Variants in ZNF33B observed in about 807,000 individuals in gnomAD.
ZNF33B encodes the protein zinc finger protein 11b (KOX 2).
A neutral mutation model predicts 45.8 loss-of-function variants in ZNF33B; 29 were observed. The observed-to-expected ratio is 0.63, with a 90% CI of 0.47 to 0.86. ZNF33B has a LOEUF of 0.86. ZNF33B is among the 40% of genes least tolerant of loss of function. ZNF33B has a pLI of 0.00. For synonymous variants in ZNF33B, 305 were observed against 307.8 expected, an observed-to-expected ratio of 0.99 and a Z score of 0.10; for missense variants, 831 against 909.9, an observed-to-expected ratio of 0.91 and a Z score of 1.12.
chr10:42,584,260 G>C (rs1002072461), downstream of ZNF33B, among the ~76,000 whole-genome samples: 1 of 152,212 alleles, frequency 6.6e-6, no homozygotes, highest in African/African-American at 2.4e-5. Context: ...TTGCCAGAAT[G>C]ACAAGGACAG....
At chr10:42,575,478 C>T (rs1836735358) in intron 1 of ZNF33B, among the ~76,000 whole-genome samples, 1 of 151,828 alleles carries the variant, frequency 6.6e-6, no homozygotes, top group African/African-American at 2.4e-5. Context: ...TTTTTAACCC[C>T]CCAGTTTATG....
intron 4 of ZNF33B, among the ~76,000 whole-genome samples, chr10:42,612,839 A>ATTT (rs1374547187): frequency 3.4e-5 from 5 of 147,070 alleles, no homozygotes; most frequent in African/African-American, 5.5e-5. Context: ...CTGATAATTT[A>ATTT]TTTTCTTTCT....
chr10:42,600,032 C>A (rs1242786271), intron 4 of ZNF33B, among the ~76,000 whole-genome samples: 7 of 151,666 alleles, frequency 4.6e-5, no homozygotes, highest in Non-Finnish European at 1.0e-4. Context: ...AAATTTAAAC[C>A]CCTTATGGTG....
intron 4 of ZNF33B, among the ~76,000 whole-genome samples, chr10:42,607,012 T>C (rs1055292728): frequency 9.2e-5 from 14 of 152,150 alleles, no homozygotes; most frequent in Middle Eastern, 3.2e-3. Context: ...GTTGAGCATG[T>C]TGGCACTCAG....
In ZNF33B at chr10:42,592,244, G is replaced by A. The variant is rs1675285646; in HGVS notation, c.*369C>T. 2.5e-6 allele frequency: 1 copy of A among 400,044 alleles called. No individual in the cohort carries two copies. The highest frequency in any genetic ancestry group is 3.6e-6 in the Non-Finnish European group (1 of 278,962). 24.8% of individuals were successfully genotyped at this position (400,044 alleles called of 1,614,324 possible). A position where few individuals can be genotyped will look rare whatever the true frequency, so the allele number is the denominator to read the frequency against. ...TGGCATCAAACTCAAAACAGAACTT[G>A]TCATATTTTATTTCTAAGCAAAATT... is the stretch of plus-strand genomic sequence containing the variant. On this transcript the variant is annotated 3_prime_UTR_variant, in exon 5 of 5. Transcript: ENST00000359467.
intron 1 of ZNF33B, among the ~76,000 whole-genome samples, chr10:42,577,667 G>C (rs2089727760): frequency 6.6e-6 from 1 of 152,182 alleles, no homozygotes; most frequent in African/African-American, 2.4e-5. Context: ...GCACTCACCA[G>C]ACTGCTTACT....
intron 4 of ZNF33B, among the ~76,000 whole-genome samples, chr10:42,621,411 T>C (rs158376): frequency 0.3 from 45,899 of 151,164 alleles, 8,071 homozygotes; most frequent in East Asian, 0.45. Context: ...CACAAACACA[T>C]ACACACACAC....
At chr10:42,585,269 G>A (rs970583178), downstream of ZNF33B, among the ~76,000 whole-genome samples, 4 of 152,198 alleles carry the variant, frequency 2.6e-5, no homozygotes, top group Non-Finnish European at 5.9e-5. Flanking sequence ...GAATCCTAAG[G>A]AGCCAAAGTG....
At chr10:42,624,443 T>C (rs1838714698) in intron 4 of ZNF33B, among the ~76,000 whole-genome samples, 1 of 152,228 alleles carries the variant, frequency 6.6e-6, no homozygotes, top group African/African-American at 2.4e-5. Flanking sequence ...TAGTCACTCC[T>C]TATCCAAGGG....
chr10:42,576,623 T>C (rs1003215136), intron 1 of ZNF33B, among the ~76,000 whole-genome samples: 2 of 152,174 alleles, frequency 1.3e-5, no homozygotes, highest in Non-Finnish European at 1.5e-5. Context: ...GCACCCATCA[T>C]CTGAGATCCT....
At chr10:42,635,847 T>C (rs1433992239) in intron 2 of ZNF33B, among the ~76,000 whole-genome samples, 2 of 147,398 alleles carry the variant, frequency 1.4e-5, no homozygotes, top group African/African-American at 5.0e-5. Flanking sequence ...CTTTAATTTA[T>C]TGGCCGGGCA....
In ZNF33B at chr10:42,593,853, A is replaced by C. The variant is rs377537182; in HGVS notation, c.1097T>G (p.Phe366Cys). 6.2e-7 allele frequency: 1 copy of C among 1,614,082 alleles called. No homozygotes were observed. The highest frequency in any genetic ancestry group is 8.5e-7 in the Non-Finnish European group (1 of 1,179,984). Residue 366 changes from phenylalanine (F) to cysteine (C), a missense_variant, in exon 5 of 5, where the codon TTC becomes TGC. By Grantham distance (205) the Phe-to-Cys change is radical (BLOSUM62 -2). Coordinates refer to ENST00000359467, the MANE Select transcript of ZNF33B (RefSeq NM_006955.3). Reference sequence around the variant, plus strand: ...TTTAGTGAGGTTTGACTTCTCCCAGAAAGTTTTTCCACATTGATTACATTG... The same window carrying C: ...TTTAGTGAGGTTTGACTTCTCCCAGCAAGTTTTTCCACATTGATTACATTG... ...HFQCNQCGKT[F>C]WEKSNLTKHQ...
chr10:42,629,558 C>T (rs550430153), intron 4 of ZNF33B, among the ~76,000 whole-genome samples: 1 of 152,042 alleles, frequency 6.6e-6, no homozygotes, highest in Non-Finnish European at 1.5e-5. Context: ...ATCTCCTGTA[C>T]CCCAAAAATA....
chr10:42,610,941 G>A (rs1400451704), intron 4 of ZNF33B, among the ~76,000 whole-genome samples: 3 of 152,170 alleles, frequency 2.0e-5, no homozygotes, highest in Non-Finnish European at 4.4e-5. Context: ...GCATGATAGT[G>A]GCATAGAGGT....
chr10:42,595,120 A>G (rs1386167061), intron 4 of ZNF33B, among the ~76,000 whole-genome samples: 1 of 152,170 alleles, frequency 6.6e-6, no homozygotes, highest in Non-Finnish European at 1.5e-5. Flanking sequence ...ATTTCAAATC[A>G]CCACTATGCA....
intron 4 of ZNF33B, among the ~76,000 whole-genome samples, chr10:42,609,524 A>G (rs1589044823): frequency 6.6e-6 from 1 of 152,220 alleles, no homozygotes; most frequent in East Asian, 1.9e-4. Flanking sequence ...AAAAAGAAGT[A>G]TCAATTACTC....
downstream of ZNF33B, among the ~76,000 whole-genome samples, chr10:42,587,013 G>A (rs542968959): frequency 6.6e-6 from 1 of 152,196 alleles, no homozygotes; most frequent in African/African-American, 2.4e-5. Flanking sequence ...TCCTCTTGAG[G>A]GGAGTGACAC....
At chr10:42,630,400 T>C (rs1193925700) in intron 4 of ZNF33B, among the ~76,000 whole-genome samples, 4 of 152,208 alleles carry the variant, frequency 2.6e-5, no homozygotes, top group Non-Finnish European at 4.4e-5. Context: ...TTTTTGTCTT[T>C]AGTTTTCAAA....
intron 1 of ZNF33B, among the ~76,000 whole-genome samples, chr10:42,583,910 C>A (rs1836875653): frequency 6.6e-6 from 1 of 152,226 alleles, no homozygotes; most frequent in African/African-American, 2.4e-5. Flanking sequence ...AGCCCCCAGG[C>A]CAGAGCAGAG....
Sources: gnomAD v4.1 joint callset for allele counts (sites outside exome capture counted in the v4.1 genomes callset) on GRCh38, gnomAD v4.1.1 for gene constraint, MANE v1.5 for transcripts, NCBI Gene and HGNC (gene_info 2026-07-23, HGNC 2026-07-21) for gene names.